The following EPHX3 variants were observed in gnomAD, a reference collection of about 807,000 sequenced individuals.
EPHX3 encodes epoxide hydrolase 3, also known as abhydrolase domain containing 9.
A neutral mutation model predicts 40.2 loss-of-function variants in EPHX3; 39 were observed. The observed-to-expected ratio is 0.97, with a 90% CI of 0.75 to 1.27. The LOEUF is 1.27. EPHX3 is among the 50% of genes most tolerant of loss of function. EPHX3 has a pLI of 0.00. For synonymous variants in EPHX3, 213 were observed against 209.7 expected, an observed-to-expected ratio of 1.02 and a Z score of -0.14; for missense variants, 442 against 474.0, an observed-to-expected ratio of 0.93 and a Z score of 0.63.
In EPHX3 at chr19:15,232,217, C is replaced by T. The variant is rs1470527790; in HGVS notation, c.-6G>A. 1.8e-5 allele frequency: 27 copies of T among 1,499,500 alleles called. No homozygotes were observed. Among genetic ancestry groups the T allele is most frequent in the Non-Finnish European group, 1.7e-5 (19 of 1,133,858 alleles). 92.9% of individuals were successfully genotyped at this position (1,499,500 alleles called of 1,614,324 possible). On this transcript the variant is annotated 5_prime_UTR_variant, in exon 1 of 7. Transcript: ENST00000221730. ...GTCACCACCAGCTCCGGCATGTCGC[C>T]GCGCTCCGGGACCACGGCGGCGCTG...
intron 2 of EPHX3, 41 bp downstream of exon 2, chr19:15,231,735 C>G: frequency 5.6e-6 from 9 of 1,605,494 alleles, no homozygotes; most frequent in Non-Finnish European, 7.7e-6. Flanking sequence ...TCCACCTGCC[C>G]CCGAGTCCCG....
At chr19:15,234,947 C>T (rs1233918024), upstream of EPHX3, among the ~76,000 whole-genome samples, 1 of 152,194 alleles carries the variant, frequency 6.6e-6, no homozygotes, top group Admixed American at 6.5e-5. Flanking sequence ...GACTACTTAA[C>T]CACTACCTTT....
chr19:15,228,265 A>G (rs1010785252), intron 4 of EPHX3, among the ~76,000 whole-genome samples, 165 bp from the exon 5 acceptor site: 1 of 152,072 alleles, frequency 6.6e-6, no homozygotes, highest in Non-Finnish European at 1.5e-5. Flanking sequence ...CCTGGGCACC[A>G]GCTACATTCC....
Position 15,227,313 on chromosome 19 carries a change from G to T in EPHX3, c.*124C>A. On this transcript the variant is annotated 3_prime_UTR_variant, in exon 7 of 7. Transcript: ENST00000221730. ...CTTGTGTGGGATCCAGGAGTCCCAT[G>T]CCTATGAGCGATTCAAGAGTTCACC... 1.3e-6 allele frequency: 1 copy of T among 791,552 alleles called. No homozygotes were observed. The highest frequency in any genetic ancestry group is 2.1e-6 in the Non-Finnish European group (1 of 483,090). 49.0% of individuals were successfully genotyped at this position (791,552 alleles called of 1,614,324 possible). A position where few individuals can be genotyped will look rare whatever the true frequency, so the allele number is the denominator to read the frequency against.
chr19:15,235,740 A>C (rs906811787), upstream of EPHX3: 5 of 152,190 alleles, frequency 3.3e-5, 1 homozygote, highest in Non-Finnish European at 5.9e-5. Flanking sequence ...TATAGGACTA[A>C]GATTTCTAGT....
At chr19:15,235,896 T>G (rs1043855184), upstream of EPHX3, 3 of 152,192 alleles carry the variant, frequency 2.0e-5, no homozygotes, top group Non-Finnish European at 2.9e-5. Context: ...GAGAAAACTA[T>G]CCAGCTCAGC....
At position 15,227,008 on chromosome 19, in the gene EPHX3, T is replaced by G. The variant is rs139694209; in HGVS notation, c.*429A>C. On this transcript the variant is annotated 3_prime_UTR_variant, in exon 7 of 7. Transcript: ENST00000221730. The stretch of plus-strand genomic sequence containing the variant: ...CCAAATGTGGTCAGCAGTATTGTAT[T>G]CAGAGTAGCACTGAGCTGAAGACCC... 5.0e-6 allele frequency: 1 copy of G among 199,188 alleles called. No individual in the cohort carries two copies. Among genetic ancestry groups the G allele is most frequent in the East Asian group, 1.3e-4 (1 of 7,838 alleles). The allele number at this position is 199,188 out of a possible 1,614,324, so 12.3% of individuals were successfully genotyped here.
chr19:15,227,456 A>G lies in EPHX3; in HGVS notation c.1064T>C (p.Leu355Ser), dbSNP rs760634252. The G allele has an allele frequency of 2.5e-6, 4 of 1,614,008 alleles. No individual in the cohort carries two copies. Among genetic ancestry groups the G allele is most frequent in the Non-Finnish European group, 3.4e-6 (4 of 1,180,020 alleles). Residue 355 changes from leucine to serine, a missense_variant, in exon 7 of 7, where the codon TTG becomes TCG. Coordinates refer to ENST00000221730, the MANE Select transcript of EPHX3 (RefSeq NM_024794.3). ...QEMHQYMWAF[L>S]QDLLD ...GGACCACTAGTCCAGCAGGTCTTGCAAGAAGGCCCACATGTACTGGTGCAT... is the reference window on the plus strand; with the variant it reads ...GGACCACTAGTCCAGCAGGTCTTGCGAGAAGGCCCACATGTACTGGTGCAT...
At chr19:15,229,200 T>C (rs2047134681) in intron 4 of EPHX3, among the ~76,000 whole-genome samples, 1 of 151,904 alleles carries the variant, frequency 6.6e-6, no homozygotes, top group African/African-American at 2.4e-5. Context: ...GGCAACATAG[T>C]GAAAACCCGT....
Position 15,227,886 on chromosome 19 carries a change from G to A in EPHX3, c.742C>T (p.His248Tyr), listed in dbSNP as rs764004945. 3.7e-6 allele frequency: 6 copies of A among 1,613,940 alleles called. No individual in the cohort carries two copies. The Admixed American group carries it at 5.0e-5, about 13-fold the overall frequency. ...AAGCATGGGATGCCTGTCTTGCGGTGGGTGAGGGTGGTCTTCAGAATCTAG... is the reference window on the plus strand; with the variant it reads ...AAGCATGGGATGCCTGTCTTGCGGTAGGTGAGGGTGGTCTTCAGAATCTAG... ...DFQILKTTLT[H>Y]RKTGIPCLTP... The change falls in exon 6 of 7, where the codon CAC (histidine) becomes TAC (tyrosine). Residue 248 changes from histidine (H) to tyrosine (Y), a missense_variant. Transcript: ENST00000221730.
chr19:15,229,907 A>AAAAAAAAAAAAAAAGAAAAG (rs1203339827), intron 4 of EPHX3, among the ~76,000 whole-genome samples: 1 of 140,178 alleles, frequency 7.1e-6, no homozygotes, highest in East Asian at 2.0e-4. Flanking sequence ...AAAAAAAAAA[A>AAAAAAAAAAAAAAAGAAAAG]AAAAGAAAAG....
Position 15,231,008 on chromosome 19 carries a change from G to C in EPHX3, c.570C>G (p.Val190=), listed in dbSNP as rs144077872. 5.0e-6 allele frequency: 8 copies of C among 1,613,904 alleles called. No individual in the cohort carries two copies. Among genetic ancestry groups the C allele is most frequent in the Non-Finnish European group, 6.8e-6 (8 of 1,180,028 alleles). The part of the protein sequence containing the change: ...WHFSIYYPSL[V]ERMVVVSGAP... Reference sequence around the variant, plus strand: ...CACCACTGACCACAACCATCCGCTCGACCAGGGATGGGTAGTAGATGGAGA... The same window carrying C: ...CACCACTGACCACAACCATCCGCTCCACCAGGGATGGGTAGTAGATGGAGA... Residue 190 remains valine (V), a synonymous_variant, in exon 4 of 7, where the codon GTC becomes GTG. Coordinates refer to ENST00000221730, the MANE Select transcript of EPHX3 (RefSeq NM_024794.3).
In EPHX3 at chr19:15,227,537, T is replaced by G. The variant is rs2047120858; in HGVS notation, c.983A>C (p.Glu328Ala). The change falls in exon 7 of 7, where the codon GAG becomes GCG. Residue 328 changes from glutamate to alanine, a missense_variant. Transcript: ENST00000221730. ...IGSRFVPGRL[E>A]AHILPGIGHW... Reference sequence around the variant, plus strand: ...CCCTATGCCTGGCAGGATGTGGGCCTCCAAGCGGCCCGGCACAAAGCGGCT... The same window carrying G: ...CCCTATGCCTGGCAGGATGTGGGCCGCCAAGCGGCCCGGCACAAAGCGGCT... The G allele has an allele frequency of 6.2e-7, 1 of 1,613,990 alleles. No homozygotes were observed. Among genetic ancestry groups the G allele is most frequent in the Non-Finnish European group, 8.5e-7 (1 of 1,179,992 alleles).
chr19:15,235,793 T>A (rs769921675), upstream of EPHX3: 4 of 152,154 alleles, frequency 2.6e-5, no homozygotes, highest in Non-Finnish European at 5.9e-5. Flanking sequence ...ATTAAATAGA[T>A]CCCAGTTCTA....
Position 15,231,055 on chromosome 19 carries a change from C to T in EPHX3, c.523G>A (p.Gly175Ser), listed in dbSNP as rs1326473501. Residue 175 changes from glycine (G) to serine (S), a missense_variant, in exon 4 of 7, where the codon GGT becomes AGT. Gly to Ser is a moderately conservative substitution (Grantham distance 56). Coordinates refer to ENST00000221730, the MANE Select transcript of EPHX3 (RefSeq NM_024794.3). ...SKCILVAHDW[G>S]ALLAWHFSIY... ...GAGAAATGCCAGGCAAGGAGGGCAC[C>T]CCAGTCATGGGCCACAAGGATGCAC... 3 of 1,614,010 alleles carry T rather than the reference C, an allele frequency of 1.9e-6. No individual in the cohort carries two copies. The highest frequency in any genetic ancestry group is 2.5e-6 in the Non-Finnish European group (3 of 1,180,006).
Position 15,231,957 on chromosome 19 carries a change from C to T in EPHX3, c.243+12G>A. 1 of 1,612,422 alleles carries T rather than the reference C, an allele frequency of 6.2e-7. No homozygotes were observed. Among genetic ancestry groups the T allele is most frequent in the Non-Finnish European group, 8.5e-7 (1 of 1,179,860 alleles). On this transcript the variant is annotated intron_variant, in intron 1 of 6. Transcript: ENST00000221730. Reference sequence around the variant, plus strand: ...CGACCCCGCAGCCCCGATAGCGCCCCCGTGCGATCACCTTGAGGTTCAGGA... The same window carrying T: ...CGACCCCGCAGCCCCGATAGCGCCCTCGTGCGATCACCTTGAGGTTCAGGA...
chr19:15,235,386 A>G (rs1259010141), upstream of EPHX3: 4 of 151,954 alleles, frequency 2.6e-5, no homozygotes, highest in Non-Finnish European at 5.9e-5. Context: ...CGACTCCGCT[A>G]ATCTGGACGC....
upstream of EPHX3, among the ~76,000 whole-genome samples, chr19:15,233,588 C>T (rs938916091): frequency 6.6e-6 from 1 of 152,192 alleles, no homozygotes; most frequent in Non-Finnish European, 1.5e-5. Flanking sequence ...GCCCAGGCTC[C>T]GAGAGCGGGC....
chr19:15,236,589 G>A (rs1417009530), upstream of EPHX3: 1 of 154,534 alleles, frequency 6.5e-6, no homozygotes, highest in Non-Finnish European at 1.4e-5. Context: ...TTCTGCTAGA[G>A]CACACCCTCC....
Sources: gnomAD v4.1 joint callset for allele counts (sites outside exome capture counted in the v4.1 genomes callset) on GRCh38, gnomAD v4.1.1 for gene constraint, MANE v1.5 for transcripts, NCBI Gene and HGNC (gene_info 2026-07-23, HGNC 2026-07-21) for gene names.